Variants in CCDC102B observed in about 807,000 individuals in gnomAD.
The protein encoded by CCDC102B is coiled-coil domain-containing protein 102B.
Under a neutral mutation model 57.4 loss-of-function variants are expected in CCDC102B, and 75 were observed. The ratio of observed to expected loss-of-function variants is 1.31; its 90% CI spans 1.08 to 1.58. CCDC102B has a LOEUF of 1.58. Ranked by LOEUF, CCDC102B falls within the 40% of genes most tolerant of loss-of-function variation. The probability of loss-of-function intolerance (pLI) is 0.00; values close to 1 mark genes in which losing one functional copy is unlikely to be tolerated. For missense variants in CCDC102B, 636 were observed against 582.6 expected (o/e 1.09, Z -0.94); for synonymous variants, 206 against 201.9 (o/e 1.02, Z -0.17).
At chr18:68,940,556 T>A (rs969007693) in intron 6 of CCDC102B, among the ~76,000 whole-genome samples, 1 of 151,850 alleles carries the variant, frequency 6.6e-6, no homozygotes, top group East Asian at 1.9e-4. Flanking sequence ...TAAAGAAGCT[T>A]GTGAGATACA....
chr18:68,970,457 A>G (rs1333845299), intron 6 of CCDC102B, among the ~76,000 whole-genome samples: 1 of 152,060 alleles, frequency 6.6e-6, no homozygotes, highest in African/African-American at 2.4e-5. Context: ...TAATATGCTT[A>G]GAGAATTTTC....
intron 5 of CCDC102B, among the ~76,000 whole-genome samples, chr18:68,894,165 C>A (rs2040168974): frequency 6.6e-6 from 1 of 151,866 alleles, no homozygotes; most frequent in South Asian, 2.1e-4. Flanking sequence ...TTTTTAAAGT[C>A]ATATATTCAG....
intron 2 of CCDC102B, among the ~76,000 whole-genome samples, chr18:68,758,894 C>T (rs949551381): frequency 2.7e-5 from 4 of 148,030 alleles, no homozygotes; most frequent in Admixed American, 2.7e-4. Context: ...AATAAAAATA[C>T]AACAACTTAA....
chr18:68,924,120 T>G (rs2041390034), intron 6 of CCDC102B, among the ~76,000 whole-genome samples: 1 of 129,702 alleles, frequency 7.7e-6, no homozygotes, highest in Non-Finnish European at 1.7e-5. Context: ...CAGCCCCCTT[T>G]TCCCTTCTTC....
At chr18:69,032,108 T>G (rs1366464818) in intron 7 of CCDC102B, among the ~76,000 whole-genome samples, 1 of 152,146 alleles carries the variant, frequency 6.6e-6, no homozygotes, top group Non-Finnish European at 1.5e-5. Context: ...ACAAAAAATG[T>G]CAATTCCATT....
chr18:68,730,989 A>C (rs1039276430), intron 2 of CCDC102B, among the ~76,000 whole-genome samples: 1 of 151,948 alleles, frequency 6.6e-6, no homozygotes, highest in South Asian at 2.1e-4. Flanking sequence ...TTTAAATTTT[A>C]TTTATTTATT....
At chr18:68,832,008 G>T (rs2037162390) in intron 1 of CCDC102B, among the ~76,000 whole-genome samples, 1 of 151,468 alleles carries the variant, frequency 6.6e-6, no homozygotes, top group Admixed American at 6.6e-5. Flanking sequence ...TATCATAATG[G>T]TTGTTTCTTA....
At chr18:68,897,152 G>A in intron 5 of CCDC102B, 67 bp from the exon 6 acceptor site, 4 of 1,205,218 alleles carry the variant, frequency 3.3e-6, no homozygotes, top group Non-Finnish European at 4.8e-6. Flanking sequence ...GAGTCTGGTT[G>A]TGGGTGGCAT....
At chr18:69,057,180 T>G (rs1599916005), downstream of CCDC102B, among the ~76,000 whole-genome samples, 1 of 152,074 alleles carries the variant, frequency 6.6e-6, no homozygotes, top group Non-Finnish European at 1.5e-5. Context: ...ATACTACATA[T>G]TTTATGTTTT....
intron 2 of CCDC102B, among the ~76,000 whole-genome samples, chr18:68,765,681 T>G (rs2034448216): frequency 1.3e-5 from 2 of 152,140 alleles, no homozygotes; most frequent in African/African-American, 4.8e-5. Context: ...TAATTGACAT[T>G]GGAAAAAGTG....
chr18:68,939,919 A>G (rs917659493), intron 6 of CCDC102B, among the ~76,000 whole-genome samples: 1 of 151,832 alleles, frequency 6.6e-6, no homozygotes, highest in Non-Finnish European at 1.5e-5. Context: ...GGGCTTGTCA[A>G]TTCTGTTAGG....
intron 2 of CCDC102B, among the ~76,000 whole-genome samples, chr18:68,733,675 G>A (rs1014446239): frequency 2.0e-5 from 3 of 151,676 alleles, no homozygotes; most frequent in Non-Finnish European, 2.9e-5. Flanking sequence ...TTTAGATTTA[G>A]GAAATAAACT....
At chr18:68,993,796 T>C (rs2050942582) in intron 6 of CCDC102B, among the ~76,000 whole-genome samples, 1 of 152,192 alleles carries the variant, frequency 6.6e-6, no homozygotes, top group Non-Finnish European at 1.5e-5. Context: ...AGTAAATTTC[T>C]CCGGGTTCTA....
intron 4 of CCDC102B, among the ~76,000 whole-genome samples, chr18:68,846,811 G>C (rs376289857): frequency 6.6e-6 from 1 of 151,712 alleles, no homozygotes; most frequent in South Asian, 2.1e-4. Flanking sequence ...TCCTCTGATA[G>C]CACACCATCT....
chr18:69,007,112 T>A (rs982415067), intron 6 of CCDC102B, among the ~76,000 whole-genome samples: 1 of 152,216 alleles, frequency 6.6e-6, no homozygotes. Flanking sequence ...GCTGATATTT[T>A]AAAAATCACT....
chr18:68,817,432 A>C (rs372274170), intron 1 of CCDC102B, among the ~76,000 whole-genome samples: 2 of 152,166 alleles, frequency 1.3e-5, no homozygotes, highest in African/African-American at 4.8e-5. Context: ...CATTTTTTGC[A>C]TTTTCCATTT....
At chr18:68,748,033 C>A (rs1004438921) in intron 2 of CCDC102B, among the ~76,000 whole-genome samples, 1 of 152,100 alleles carries the variant, frequency 6.6e-6, no homozygotes, top group Non-Finnish European at 1.5e-5. Context: ...TGCTTGTTAT[C>A]TTTTCTGCTT....
intron 4 of CCDC102B, among the ~76,000 whole-genome samples, chr18:68,866,260 T>C (rs757308499): frequency 2.6e-4 from 40 of 152,326 alleles, no homozygotes; most frequent in Middle Eastern, 3.4e-3. Flanking sequence ...ACATACATAC[T>C]TTATACCCAC....
intron 7 of CCDC102B, among the ~76,000 whole-genome samples, chr18:69,044,405 T>G (rs73453791): frequency 0.05 from 7,622 of 152,244 alleles, 271 homozygotes; most frequent in East Asian, 0.16. Context: ...CTCTCAATAT[T>G]TATTGTCTTC....
Sources: allele counts gnomAD v4.1 joint callset (sites outside exome capture counted in the v4.1 genomes callset), GRCh38; gene constraint gnomAD v4.1.1; transcripts MANE v1.5; gene names NCBI Gene and HGNC (gene_info 2026-07-23, HGNC 2026-07-21).